CADM2: variants seen among roughly 807,000 people sequenced by gnomAD.
CADM2 encodes the protein cell adhesion molecule 2.
In CADM2, 12 loss-of-function variants were observed where a neutral mutation model predicts 49.8. The ratio of observed to expected loss-of-function variants is 0.24; its 90% CI spans 0.15 to 0.39. The LOEUF (loss-of-function observed/expected upper bound fraction) is 0.39. CADM2 is among the 10% of genes least tolerant of loss of function. The pLI, the probability that CADM2 is intolerant of heterozygous loss-of-function variation, is 1.00. For synonymous variants in CADM2, 214 were observed against 175.4 expected (o/e 1.22, Z -1.74); for missense variants, 378 against 492.3 (o/e 0.77, Z 2.20).
chr3:85,266,565 T>TTCATCCATATCAGTTGCAAAG (rs147778438), intron 1 of CADM2, among the ~76,000 whole-genome samples: 2 of 151,272 alleles, frequency 1.3e-5, no homozygotes, highest in Non-Finnish European at 3.0e-5. Context: ...ATCTCAATGA[T>TTCATCCATATCAGTTGCAAAG]AAGGTGATAA....
At chr3:85,027,352 G>A (rs1436794218) in intron 1 of CADM2, among the ~76,000 whole-genome samples, 1 of 151,662 alleles carries the variant, frequency 6.6e-6, no homozygotes, top group African/African-American at 2.4e-5. Context: ...CGGACTTCGT[G>A]ATCCCACCTT....
chr3:86,012,810 A>G (rs1731704228), intron 8 of CADM2: 1 of 553,052 alleles, frequency 1.8e-6, no homozygotes, highest in Non-Finnish European at 3.2e-6. Context: ...CCCCGTCTCT[A>G]CTAAAAATAC....
At chr3:85,397,699 A>G (rs929032890) in intron 1 of CADM2, among the ~76,000 whole-genome samples, 1 of 152,126 alleles carries the variant, frequency 6.6e-6, no homozygotes, top group Non-Finnish European at 1.5e-5. Context: ...CAGACACAAA[A>G]CAGAATAGAG....
At chr3:85,000,431 C>T (rs2107212564) in intron 1 of CADM2, among the ~76,000 whole-genome samples, 1 of 151,218 alleles carries the variant, frequency 6.6e-6, no homozygotes, top group South Asian at 2.1e-4. Flanking sequence ...GAGCATAAGT[C>T]CTTGACTTTG....
At chr3:85,007,446 A>G (rs1157958620) in intron 1 of CADM2, among the ~76,000 whole-genome samples, 1 of 152,310 alleles carries the variant, frequency 6.6e-6, no homozygotes, top group East Asian at 1.9e-4. Flanking sequence ...AAGGCCACCC[A>G]TGTGCCAATG....
At chr3:85,861,377 G>A (rs546482888) in intron 3 of CADM2, among the ~76,000 whole-genome samples, 1 of 152,300 alleles carries the variant, frequency 6.6e-6, no homozygotes, top group African/African-American at 2.4e-5. Flanking sequence ...TTGAGAGAAA[G>A]ATAAGAGTTA....
rs1027381556 is a variant in CADM2, at chr3:85,492,788, T to C, written c.62-233734T>C. The stretch of plus-strand genomic sequence containing the variant: ...GAATGTATCTACATGTTAACACTTT[T>C]TTTAAAAAGAGGTATTGAAGATTCC... On this transcript the variant is annotated intron_variant, in intron 1 of 9. Coordinates refer to ENST00000383699, the MANE Select transcript of CADM2 (RefSeq NM_001167675.2). Among the ~76,000 whole-genome samples, 30 of 152,220 alleles carry C rather than the reference T, an allele frequency of 2.0e-4. No individual in the cohort carries two copies. In the East Asian group the frequency reaches 5.4e-3, roughly 27 times the overall value.
At chr3:85,001,933 T>G (rs1209085805) in intron 1 of CADM2, among the ~76,000 whole-genome samples, 3 of 152,140 alleles carry the variant, frequency 2.0e-5, no homozygotes, top group African/African-American at 7.2e-5. Context: ...GCAGAGAAAC[T>G]TAATTGAATC....
At chr3:85,506,157 T>G (rs2040342484) in intron 1 of CADM2, among the ~76,000 whole-genome samples, 2 of 152,210 alleles carry the variant, frequency 1.3e-5, no homozygotes, top group African/African-American at 4.8e-5. Flanking sequence ...TGCCTATTGT[T>G]TTGTGCATCA....
At position 85,568,447 on chromosome 3, in the gene CADM2, CTTTCTTTCTTTCTT is replaced by C. The variant is rs1559915872; in HGVS notation, c.62-158073_62-158060del. ...TCTTTCTTTCTTTCTTTCTTTCTTT[CTTTCTTTCTTTCTT>C]TCTCTTTCTCTCTCTTTCTTTCTTT... On this transcript the variant is annotated intron_variant, in intron 1 of 9. Transcript: ENST00000383699. Among the ~76,000 whole-genome samples the C allele has an allele frequency of 2.8e-4, 10 of 35,794 alleles. 2 individuals carry two copies. The highest frequency in any genetic ancestry group is 8.0e-4 in the African/African-American group (10 of 12,424). The allele number at this position is 35,794 out of a possible 152,430, so 23.5% of individuals were successfully genotyped here.
chr3:85,114,455 GTATAC>G (rs2038570285), intron 1 of CADM2, among the ~76,000 whole-genome samples: 1 of 152,122 alleles, frequency 6.6e-6, no homozygotes, highest in Non-Finnish European at 1.5e-5. Context: ...GGTTTTGGTT[GTATAC>G]TGTCTTCAGA....
At chr3:85,751,666 A>C (rs1448159373) in intron 2 of CADM2, among the ~76,000 whole-genome samples, 1 of 152,176 alleles carries the variant, frequency 6.6e-6, no homozygotes, top group African/African-American at 2.4e-5. Flanking sequence ...ATGCAAACCC[A>C]AAGTACCCAT....
intron 7 of CADM2, among the ~76,000 whole-genome samples, chr3:85,956,655 GT>G (rs77456661): frequency 0.013 from 1,693 of 133,928 alleles, 20 homozygotes; most frequent in African/African-American, 0.032. Flanking sequence ...CTTTGAGGAA[GT>G]TTTTTTTTTT....
intron 1 of CADM2, among the ~76,000 whole-genome samples, chr3:85,254,482 C>T (rs925277862): frequency 3.3e-5 from 5 of 152,054 alleles, no homozygotes; most frequent in Non-Finnish European, 7.4e-5. Flanking sequence ...ACCCTGTAAT[C>T]CTGCCTTGGT....
At chr3:85,525,723 C>T (rs2100205) in intron 1 of CADM2, among the ~76,000 whole-genome samples, 11,734 of 151,942 alleles carry the variant, frequency 0.077, 863 homozygotes, top group African/African-American at 0.17. Flanking sequence ...TCTCTGTTCC[C>T]ATTTTCTTCT....
intron 8 of CADM2, among the ~76,000 whole-genome samples, chr3:86,033,673 A>G (rs201514495): frequency 8.2e-5 from 6 of 72,920 alleles, no homozygotes; most frequent in African/African-American, 1.8e-4. Flanking sequence ...ATATATATGT[A>G]TATATATATA....
At chr3:85,877,760 C>G (rs1399526981) in intron 3 of CADM2, among the ~76,000 whole-genome samples, 1 of 137,330 alleles carries the variant, frequency 7.3e-6, no homozygotes, top group Non-Finnish European at 1.5e-5. Flanking sequence ...TTGAAGAGGA[C>G]TTCCTAGTTC....
chr3:85,837,706 C>T (rs1400357256), intron 3 of CADM2, among the ~76,000 whole-genome samples: 1 of 151,620 alleles, frequency 6.6e-6, no homozygotes, highest in Admixed American at 6.6e-5. Context: ...CAATATACTG[C>T]TTAAAAGAGC....
At chr3:85,353,781 C>T (rs1183013372) in intron 1 of CADM2, among the ~76,000 whole-genome samples, 1 of 151,776 alleles carries the variant, frequency 6.6e-6, no homozygotes, top group Non-Finnish European at 1.5e-5. Context: ...ATCAATGCAC[C>T]TAAAATTAGT....
Sources: gnomAD v4.1 joint callset for allele counts (sites outside exome capture counted in the v4.1 genomes callset) on GRCh38, gnomAD v4.1.1 for gene constraint, MANE v1.5 for transcripts, NCBI Gene and HGNC (gene_info 2026-07-23, HGNC 2026-07-21) for gene names.